The following CDH6 variants were observed in gnomAD, a reference collection of about 807,000 sequenced individuals.
CDH6 encodes cadherin 6, also known as cadherin-6.
Under a neutral mutation model 78.0 loss-of-function variants are expected in CDH6, and 31 were observed. That is an observed-to-expected ratio of 0.40 (90% CI 0.30 to 0.54). The LOEUF (loss-of-function observed/expected upper bound fraction) is 0.54, where lower values mean the gene tolerates loss of function less well. CDH6 is among the 20% of genes least tolerant of loss of function. The pLI is 0.56. For missense variants in CDH6, 724 were observed against 975.9 expected (o/e 0.74, Z 3.44); for synonymous variants, 376 against 368.8 (o/e 1.02, Z -0.23).
At chr5:31,295,850 TAC>T in intron 3 of CDH6, among the ~76,000 whole-genome samples, 1 of 152,272 alleles carries the variant, frequency 6.6e-6, no homozygotes, top group Middle Eastern at 3.4e-3. Context: ...ATAAAACAGG[TAC>T]AGAGTCCCTA....
intron 4 of CDH6, among the ~76,000 whole-genome samples, chr5:31,297,944 G>C (rs748377080): frequency 1.4e-4 from 22 of 152,192 alleles, no homozygotes; most frequent in Non-Finnish European, 3.1e-4. Flanking sequence ...GAATGTCTGA[G>C]TGGTATGGTG....
intron 5 of CDH6, among the ~76,000 whole-genome samples, chr5:31,300,554 AG>A (rs1737739461): frequency 6.6e-6 from 1 of 152,202 alleles, no homozygotes; most frequent in Admixed American, 6.5e-5. Context: ...AGTAGAAGAA[AG>A]GTTCTATGAG....
At chr5:31,241,802 C>T (rs754930799) in intron 1 of CDH6, among the ~76,000 whole-genome samples, 4 of 152,202 alleles carry the variant, frequency 2.6e-5, no homozygotes, top group Admixed American at 2.0e-4. Context: ...TCAAAACTAG[C>T]TGCAAAGCAG....
chr5:31,210,165 G>T (rs985207287), intron 1 of CDH6, among the ~76,000 whole-genome samples: 8 of 151,484 alleles, frequency 5.3e-5, no homozygotes, highest in African/African-American at 1.9e-4. Flanking sequence ...GAAAGAAAAG[G>T]GTGAGAAAGA....
intron 1 of CDH6, among the ~76,000 whole-genome samples, chr5:31,202,309 G>C (rs965378442): frequency 1.1e-4 from 17 of 152,144 alleles, no homozygotes; most frequent in African/African-American, 3.9e-4. Flanking sequence ...AAAAAAGAAA[G>C]AGAGTCTCAT....
intron 1 of CDH6, among the ~76,000 whole-genome samples, chr5:31,233,923 T>A (rs1231353304): frequency 6.6e-6 from 1 of 152,214 alleles, no homozygotes; most frequent in Non-Finnish European, 1.5e-5. Context: ...AGAACGTAAA[T>A]TCCATGAGGC....
intron 1 of CDH6, among the ~76,000 whole-genome samples, chr5:31,214,140 T>TAAAAA (rs397809617): frequency 4.6e-4 from 60 of 129,976 alleles, no homozygotes; most frequent in African/African-American, 1.3e-3. Flanking sequence ...ATCTGTGCCT[T>TAAAAA]AAAAAAAAAA....
chr5:31,225,387 C>G (rs1741124251), intron 1 of CDH6, among the ~76,000 whole-genome samples: 1 of 152,152 alleles, frequency 6.6e-6, no homozygotes, highest in Non-Finnish European at 1.5e-5. Flanking sequence ...AGAGCTCATT[C>G]TAGACATACA....
intron 1 of CDH6, among the ~76,000 whole-genome samples, chr5:31,257,832 G>A (rs1186304737): frequency 5.3e-5 from 8 of 152,170 alleles, no homozygotes; most frequent in African/African-American, 1.7e-4. Context: ...TCTGAAATGA[G>A]AGTAAATACA....
At chr5:31,302,655 G>A (rs1345185506) in intron 6 of CDH6, among the ~76,000 whole-genome samples, 2 of 144,088 alleles carry the variant, frequency 1.4e-5, no homozygotes, top group Non-Finnish European at 3.0e-5. Context: ...AGAGGTTGCA[G>A]TGAGCCAAGA....
Position 31,327,674 on chromosome 5 carries a change from T to C in CDH6, c.*4366T>C, listed in dbSNP as rs1738650221. On this transcript the variant is annotated 3_prime_UTR_variant, in exon 12 of 12. Transcript: ENST00000265071. Reference sequence around the variant, plus strand: ...GCTTCCTTTTCCAGAGAATATAGAATTATATTATGGTCTCCTTAAATGTTT... The same window carrying C: ...GCTTCCTTTTCCAGAGAATATAGAACTATATTATGGTCTCCTTAAATGTTT... The C allele has an allele frequency of 5.0e-6, 1 of 199,904 alleles. No individual in the cohort carries two copies. Among genetic ancestry groups the C allele is most frequent in the Admixed American group, 6.0e-5 (1 of 16,590 alleles). 12.4% of individuals were successfully genotyped at this position (199,904 alleles called of 1,614,324 possible).
chr5:31,266,903 T>A (rs1019525220), intron 1 of CDH6, among the ~76,000 whole-genome samples: 1 of 152,212 alleles, frequency 6.6e-6, no homozygotes, highest in African/African-American at 2.4e-5. Flanking sequence ...CAATACATTT[T>A]AGCAAAATTT....
intron 1 of CDH6, among the ~76,000 whole-genome samples, chr5:31,224,732 C>T (rs1340238126): frequency 6.6e-6 from 1 of 152,112 alleles, no homozygotes; most frequent in Non-Finnish European, 1.5e-5. Context: ...TTTTGTAGAA[C>T]AGGATTTTGC....
chr5:31,232,518 C>T (rs1741341171), intron 1 of CDH6, among the ~76,000 whole-genome samples: 1 of 152,152 alleles, frequency 6.6e-6, no homozygotes, highest in Admixed American at 6.5e-5. Context: ...CTCTACAAAA[C>T]GTTTTTGGCT....
intron 11 of CDH6, chr5:31,318,225 T>C (rs1432198192): frequency 1.0e-5 from 6 of 583,518 alleles, no homozygotes; most frequent in Non-Finnish European, 1.5e-5. Context: ...TGTGCCCTTT[T>C]CATTTCATTC....
At chr5:31,300,932 G>A (rs1737748826) in intron 5 of CDH6, among the ~76,000 whole-genome samples, 1 of 152,182 alleles carries the variant, frequency 6.6e-6, no homozygotes, top group African/African-American at 2.4e-5. Flanking sequence ...AGCAGCCGAG[G>A]CAACATAGTG....
intron 1 of CDH6, among the ~76,000 whole-genome samples, chr5:31,257,700 CTCTG>C (rs1421460796): frequency 6.6e-6 from 1 of 152,112 alleles, no homozygotes; most frequent in Non-Finnish European, 1.5e-5. Context: ...TTTGTAGCTA[CTCTG>C]TCTGTGCCTT....
chr5:31,204,309 A>C (rs2111783475), intron 1 of CDH6, among the ~76,000 whole-genome samples: 1 of 152,306 alleles, frequency 6.6e-6, no homozygotes, highest in South Asian at 2.1e-4. Context: ...AATTAAATTG[A>C]AGAGATGACC....
At chr5:31,221,332 C>T (rs116574019) in intron 1 of CDH6, among the ~76,000 whole-genome samples, 1 of 152,066 alleles carries the variant, frequency 6.6e-6, no homozygotes, top group Non-Finnish European at 1.5e-5. Flanking sequence ...AACCAGAAAC[C>T]CTTTATTGGT....
Sources: gnomAD v4.1 joint callset for allele counts (sites outside exome capture counted in the v4.1 genomes callset) on GRCh38, gnomAD v4.1.1 for gene constraint, MANE v1.5 for transcripts, NCBI Gene and HGNC (gene_info 2026-07-23, HGNC 2026-07-21) for gene names.